Variants in CDC42SE2 observed in about 807,000 individuals in gnomAD.
CDC42SE2 encodes the protein CDC42 small effector 2.
CDC42SE2 carries 3 observed loss-of-function variants against 11.5 expected under a neutral mutation model. The observed-to-expected ratio is 0.26, with a 90% CI of 0.12 to 0.67. The LOEUF (loss-of-function observed/expected upper bound fraction) is 0.67, where lower values mean the gene tolerates loss of function less well. CDC42SE2 is among the 30% of genes least tolerant of loss of function. CDC42SE2 has a pLI of 0.80. For missense variants in CDC42SE2, 82 were observed against 106.8 expected (o/e 0.77, Z 1.02); for synonymous variants, 33 against 34.8 (o/e 0.95, Z 0.18).
chr5:131,391,625 A>C lies in CDC42SE2; in HGVS notation c.*534A>C, dbSNP rs1384467222. 6.6e-6 allele frequency: 1 copy of C among 152,344 alleles called. No individual in the cohort carries two copies. Among genetic ancestry groups the C allele is most frequent in the Non-Finnish European group, 1.5e-5 (1 of 68,146 alleles). 9.4% of individuals were successfully genotyped at this position (152,344 alleles called of 1,614,324 possible). A position where few individuals can be genotyped will look rare whatever the true frequency, so the allele number is the denominator to read the frequency against. On this transcript the variant is annotated 3_prime_UTR_variant, in exon 5 of 5. Transcript: ENST00000505065. ...AGGCAGGGGTTGCAGTCAGCTGAGA[A>C]TGCGCCACTGCGCTCCAGCCTGGGT...
Position 131,301,839 on chromosome 5 carries a change from C to T in CDC42SE2, c.-454-14137C>T, listed in dbSNP as rs561574531. ...CTTGCTAATTGCTAGCATAATGTATCATCATAATATTAAGCCCCCTTCCCT... is the reference window on the plus strand; with the variant it reads ...CTTGCTAATTGCTAGCATAATGTATTATCATAATATTAAGCCCCCTTCCCT... On this transcript the variant is annotated intron_variant, in intron 1 of 4. Transcript: ENST00000505065. Among the ~76,000 whole-genome samples the T allele has an allele frequency of 2.3e-4, 35 of 152,076 alleles. No homozygotes were observed. In the South Asian group the frequency reaches 6.8e-3, roughly 30 times the overall value.
intron 2 of CDC42SE2, among the ~76,000 whole-genome samples, chr5:131,351,751 T>C (rs1468085590): frequency 6.6e-6 from 1 of 152,180 alleles, no homozygotes; most frequent in East Asian, 1.9e-4. Flanking sequence ...ACAGATTATC[T>C]TTGCAACTTT....
intron 2 of CDC42SE2, among the ~76,000 whole-genome samples, chr5:131,328,830 A>C (rs994716331): frequency 6.6e-6 from 1 of 152,244 alleles, no homozygotes; most frequent in African/African-American, 2.4e-5. Flanking sequence ...ACCCAGGTCA[A>C]ATAGCCGCCA....
chr5:131,384,375 C>A (rs1003086059), intron 3 of CDC42SE2, among the ~76,000 whole-genome samples: 39 of 152,126 alleles, frequency 2.6e-4, no homozygotes, highest in Admixed American at 2.6e-3. Context: ...TAGGGTTTAT[C>A]AGGATCATGC....
the CDC42SE2 span, among the ~76,000 whole-genome samples, chr5:131,222,983 C>T: frequency 6.6e-6 from 1 of 152,228 alleles, no homozygotes; most frequent in African/African-American, 2.4e-5. Context: ...TGCTGACTGG[C>T]TTCTTAGCTA....
intron 2 of CDC42SE2, among the ~76,000 whole-genome samples, chr5:131,348,292 C>G (rs1758905109): frequency 1.3e-5 from 2 of 152,174 alleles, no homozygotes; most frequent in Admixed American, 1.3e-4. Context: ...GCAACTTCAG[C>G]AATGTCTCAC....
intron 1 of CDC42SE2, among the ~76,000 whole-genome samples, chr5:131,306,116 A>G (rs1163966466): frequency 6.6e-6 from 1 of 152,202 alleles, no homozygotes; most frequent in Non-Finnish European, 1.5e-5. Flanking sequence ...CTTACGTTTT[A>G]AATTATGTGT....
chr5:131,367,090 A>G (rs1181223158), intron 3 of CDC42SE2, among the ~76,000 whole-genome samples: 1 of 151,404 alleles, frequency 6.6e-6, no homozygotes, highest in African/African-American at 2.4e-5. Context: ...AGGTCAAAAT[A>G]TACAATCAAA....
chr5:131,349,049 C>G (rs1758930976), intron 2 of CDC42SE2, among the ~76,000 whole-genome samples: 4 of 152,048 alleles, frequency 2.6e-5, no homozygotes, highest in Admixed American at 2.6e-4. Context: ...AGAAGAAAAC[C>G]TAGGTAATAC....
At chr5:131,237,895 T>G in the CDC42SE2 span, among the ~76,000 whole-genome samples, 2 of 152,316 alleles carry the variant, frequency 1.3e-5, no homozygotes, top group South Asian at 4.1e-4. Flanking sequence ...CATTGCCTTA[T>G]TTTACTTGTA....
chr5:131,391,446 CTGA>C lies in CDC42SE2; in HGVS notation c.*357_*359del, dbSNP rs1750649299. ...CAGCACTTTGGGAGGCCTAGGTGGG[CTGA>C]TCACCTGAGGCCAGGAATTGGAGAC... On this transcript the variant is annotated 3_prime_UTR_variant, in exon 5 of 5. Coordinates refer to ENST00000505065, the MANE Select transcript of CDC42SE2 (RefSeq NM_001375635.1). 1 of 153,216 alleles carries C rather than the reference CTGA, an allele frequency of 6.5e-6. No homozygotes were observed. Among genetic ancestry groups the C allele is most frequent in the Non-Finnish European group, 1.5e-5 (1 of 68,896 alleles). The allele number at this position is 153,216 out of a possible 1,614,324, so 9.5% of individuals were successfully genotyped here.
rs138636219 is a variant in CDC42SE2 at position 131,374,218 on chromosome 5, A to G, written c.55-11325A>G. The stretch of plus-strand genomic sequence containing the variant: ...GACTATCTGGACAAGTCACTTAGCT[A>G]TTTAATCGGTTATACCACGAGATAC... On this transcript the variant is annotated intron_variant, in intron 3 of 4. Transcript: ENST00000505065. 5.8e-3 allele frequency among the ~76,000 whole-genome samples: 883 copies of G among 152,318 alleles called. 8 individuals carry two copies. Among genetic ancestry groups the G allele is most frequent in the African/African-American group, 0.021 (853 of 41,572 alleles).
chr5:131,242,792 C>T (rs1756550164), upstream of CDC42SE2, among the ~76,000 whole-genome samples: 1 of 152,118 alleles, frequency 6.6e-6, no homozygotes, highest in Non-Finnish European at 1.5e-5. Flanking sequence ...TTTCTAGTTG[C>T]AGTAGTCTTC....
chr5:131,319,787 C>T (rs1371091442), intron 2 of CDC42SE2, among the ~76,000 whole-genome samples: 1 of 152,118 alleles, frequency 6.6e-6, no homozygotes, highest in Non-Finnish European at 1.5e-5. Flanking sequence ...CACGGTGGCT[C>T]ACGCCTGTAA....
Position 131,390,997 on chromosome 5 carries a change from G to T in CDC42SE2, c.161G>T (p.Ser54Ile), listed in dbSNP as rs1561440302. The T allele has an allele frequency of 9.3e-6, 15 of 1,608,836 alleles. No homozygotes were observed. The highest frequency in any genetic ancestry group is 1.3e-5 in the Non-Finnish European group (15 of 1,176,292). Residue 54 changes from serine (S) to isoleucine (I), a missense_variant, in exon 5 of 5, where the codon AGC (serine) becomes ATC (isoleucine). Physicochemically the swap from Ser to Ile is moderately radical, Grantham distance 142. Coordinates refer to ENST00000505065, the MANE Select transcript of CDC42SE2 (RefSeq NM_001375635.1). Reference protein sequence around the residue: ...GDLFSGMNSVSSIQNQMQSKG... With the variant: ...GDLFSGMNSVISIQNQMQSKG... The stretch of plus-strand genomic sequence containing the variant: ...TGTATTTTTGTCTTGTTTTAGGTTA[G>T]CTCCATTCAGAACCAAATGCAGTCC...
intron 3 of CDC42SE2, among the ~76,000 whole-genome samples, chr5:131,373,943 T>C (rs564587206): frequency 6.6e-6 from 1 of 152,040 alleles, no homozygotes; most frequent in South Asian, 2.1e-4. Flanking sequence ...AAATGTAAAG[T>C]AGAAGGGAAA....
chr5:131,293,001 TAGAG>T lies in CDC42SE2; in HGVS notation c.-454-22973_-454-22970del, dbSNP rs541572838. The stretch of plus-strand genomic sequence containing the variant: ...TTTGAATGTTGAATGAATGAACAGA[TAGAG>T]ATATTTTGATAATACTACTTGCACA... On this transcript the variant is annotated intron_variant, in intron 1 of 4. Coordinates refer to ENST00000505065, the MANE Select transcript of CDC42SE2 (RefSeq NM_001375635.1). 1.5e-4 allele frequency among the ~76,000 whole-genome samples: 22 copies of T among 149,818 alleles called. No homozygotes were observed. The South Asian group carries it at 3.8e-3, about 26-fold the overall frequency.
At chr5:131,277,046 A>G (rs2149698267) in intron 1 of CDC42SE2, among the ~76,000 whole-genome samples, 1 of 152,256 alleles carries the variant, frequency 6.6e-6, no homozygotes, top group East Asian at 1.9e-4. Flanking sequence ...GGCGACCATT[A>G]TAATTTTTAA....
rs142421992 is a variant in CDC42SE2 at position 131,258,245 on chromosome 5, A to G, written n.242+3016A>G. Among the ~76,000 whole-genome samples the G allele has an allele frequency of 1.8e-4, 28 of 152,106 alleles. 1 individual carries two copies. Among genetic ancestry groups the G allele is most frequent in the Admixed American group, 1.3e-3 (20 of 15,284 alleles). On this transcript the variant is annotated intron_variant and non_coding_transcript_variant, in intron 2 of 3. Coordinates refer to the CDC42SE2 transcript ENST00000502840. ...CTTTATTGTTTTTTTTTCTGTGTGA[A>G]ATCTACCACAAGCTTTATCACCATT...
Sources: gnomAD v4.1 joint callset for allele counts (sites outside exome capture counted in the v4.1 genomes callset) on GRCh38, gnomAD v4.1.1 for gene constraint, MANE v1.5 for transcripts, NCBI Gene and HGNC (gene_info 2026-07-23, HGNC 2026-07-21) for gene names.